AHCTF1: variants seen among roughly 807,000 people sequenced by gnomAD.
AHCTF1 encodes the protein AT-hook containing transcription factor 1.
In AHCTF1, 24 loss-of-function variants were observed where a neutral mutation model predicts 248.4. That is an observed-to-expected ratio of 0.10 (90% CI 0.07 to 0.14). The LOEUF is 0.14. AHCTF1 is among the 10% of genes least tolerant of loss of function. AHCTF1 has a pLI of 1.00. For missense variants in AHCTF1, 2,206 were observed against 2,636.2 expected, an observed-to-expected ratio of 0.84 and a Z score of 3.57; for synonymous variants, 786 against 929.8, an observed-to-expected ratio of 0.85 and a Z score of 2.81.
Position 246,849,591 on chromosome 1 carries a change from T to C in AHCTF1, c.6391+24A>G, listed in dbSNP as rs995038189. The C allele has an allele frequency of 2.2e-5, 34 of 1,570,074 alleles. No individual in the cohort carries two copies. The African/African-American group carries it at 2.3e-4, about 11-fold the overall frequency. ...CTGAAGAGTGACTGAGATGAAAAAC[T>C]GTTTTGCAGAGAAAGAAAAGTACCT... On this transcript the variant is annotated intron_variant, in intron 33 of 35. Transcript: ENST00000648844.
chr1:246,852,687 A>T (rs1660799070), intron 32 of AHCTF1, among the ~76,000 whole-genome samples: 1 of 152,196 alleles, frequency 6.6e-6, no homozygotes, highest in African/African-American at 2.4e-5. Flanking sequence ...CCAGATCAGC[A>T]AAAATTAACT....
At chr1:246,856,450 G>A (rs964387010) in intron 30 of AHCTF1, among the ~76,000 whole-genome samples, 1 of 152,080 alleles carries the variant, frequency 6.6e-6, no homozygotes, top group Non-Finnish European at 1.5e-5. Context: ...TACCATAAAA[G>A]TAACAGTGAT....
intron 29 of AHCTF1, among the ~76,000 whole-genome samples, chr1:246,858,557 C>T (rs1389841705): frequency 6.6e-6 from 1 of 152,054 alleles, no homozygotes; most frequent in Admixed American, 6.5e-5. Context: ...TGGCCAGGCA[C>T]GGAGGCTCAT....
intron 33 of AHCTF1, among the ~76,000 whole-genome samples, chr1:246,847,229 C>T (rs1177913900): frequency 6.6e-6 from 1 of 150,790 alleles, no homozygotes; most frequent in Non-Finnish European, 1.5e-5. Flanking sequence ...GCGGAGGTTG[C>T]AGTGAGCCAA....
At chr1:246,868,634 A>ATTCT (rs1662222409) in intron 24 of AHCTF1, among the ~76,000 whole-genome samples, 1 of 148,352 alleles carries the variant, frequency 6.7e-6, no homozygotes, top group Admixed American at 6.7e-5. Context: ...AAAAAAAGTT[A>ATTCT]TTCTTTGTGT....
chr1:246,858,494 A>G (rs1661272056), intron 29 of AHCTF1, among the ~76,000 whole-genome samples: 1 of 152,196 alleles, frequency 6.6e-6, no homozygotes, highest in South Asian at 2.1e-4. Flanking sequence ...TAGCTTCACT[A>G]TAGAGTTTGT....
chr1:246,859,454 G>A (rs1166915031), intron 29 of AHCTF1, among the ~76,000 whole-genome samples: 1 of 152,226 alleles, frequency 6.6e-6, no homozygotes, highest in Non-Finnish European at 1.5e-5. Flanking sequence ...TGACATGGGA[G>A]CAGGTGCCAT....
At chr1:246,868,846 GTTTTTT>G (rs563383895) in intron 24 of AHCTF1, among the ~76,000 whole-genome samples, 1 of 128,830 alleles carries the variant, frequency 7.8e-6, no homozygotes, top group Admixed American at 7.9e-5. Flanking sequence ...TGTGTTTTTT[GTTTTTT>G]TTTTTTTTTT....
intron 35 of AHCTF1, among the ~76,000 whole-genome samples, chr1:246,841,595 T>C (rs1659869065): frequency 1.3e-5 from 2 of 152,214 alleles, no homozygotes; most frequent in South Asian, 4.1e-4. Flanking sequence ...TTCCCATGCA[T>C]GCAGTTTTAG....
At position 246,861,959 on chromosome 1, in the gene AHCTF1, C is replaced by T; in HGVS notation, c.3735G>A (p.Gly1245=). 1.2e-6 allele frequency: 2 copies of T among 1,609,346 alleles called. No homozygotes were observed. The highest frequency in any genetic ancestry group is 1.7e-6 in the Non-Finnish European group (2 of 1,177,790). Reference sequence around the variant, plus strand: ...TTCTCCCAATTATTATCAAACTTACCCCAGGAATCCATTTTGGGTGGACAT... The same window carrying T: ...TTCTCCCAATTATTATCAAACTTACTCCAGGAATCCATTTTGGGTGGACAT... ...EEDVHPKWIP[G]AADDSKLEVF... is the part of the protein sequence containing the mutation. The change falls in exon 28 of 36, where the codon GGG becomes GGA. Residue 1245 remains glycine, a splice_region_variant and synonymous_variant. Transcript: ENST00000648844.
chr1:246,844,688 C>T (rs1305694348), intron 33 of AHCTF1, among the ~76,000 whole-genome samples: 1 of 152,126 alleles, frequency 6.6e-6, no homozygotes, highest in Admixed American at 6.6e-5. Flanking sequence ...TGTGCCACTG[C>T]ACTCCAGCCT....
chr1:246,859,870 T>C (rs1442173364), intron 29 of AHCTF1, among the ~76,000 whole-genome samples: 1 of 152,112 alleles, frequency 6.6e-6, no homozygotes, highest in South Asian at 2.1e-4. Context: ...TTTATTTTCA[T>C]TGTCCAGTGA....
At chr1:246,876,321 C>G in intron 23 of AHCTF1, 134 bp from the exon 24 acceptor site, 1 of 725,664 alleles carries the variant, frequency 1.4e-6, no homozygotes, top group Non-Finnish European at 2.1e-6. Context: ...TTTTTCCAAA[C>G]CAAGAACTTC....
Position 246,862,123 on chromosome 1 carries a change from T to C in AHCTF1, c.3571A>G (p.Thr1191Ala), listed in dbSNP as rs1196898452. The C allele has an allele frequency of 6.2e-7, 1 of 1,606,532 alleles. No individual in the cohort carries two copies. Among genetic ancestry groups the C allele is most frequent in the Non-Finnish European group, 8.5e-7 (1 of 1,177,846 alleles). Residue 1191 changes from threonine (T) to alanine (A), a missense_variant, in exon 28 of 36, where the codon ACT becomes GCT. Physicochemically the swap from Thr to Ala is moderately conservative, Grantham distance 58 (BLOSUM62 0). This residue lies in a region of AHCTF1 where 955 missense variants were observed against 1,055.6 expected (regional missense o/e 0.90). Coordinates refer to ENST00000648844, the MANE Select transcript of AHCTF1 (RefSeq NM_001323342.2). ...KAKSLAMSVTTSGFSEFTPQS... is the reference protein window; with the variant it reads ...KAKSLAMSVTASGFSEFTPQS... Reference sequence around the variant, plus strand: ...GGAGTGAACTCAGAAAATCCAGAAGTAGTAACTGACATGGCCAAACTTTTA... The same window carrying C: ...GGAGTGAACTCAGAAAATCCAGAAGCAGTAACTGACATGGCCAAACTTTTA...
At chr1:246,910,265 A>G (rs1259776662) in intron 4 of AHCTF1, among the ~76,000 whole-genome samples, 1 of 152,254 alleles carries the variant, frequency 6.6e-6, no homozygotes, top group Non-Finnish European at 1.5e-5. Flanking sequence ...GGACAGAAAG[A>G]GGATTGCTGT....
At chr1:246,885,841 G>GT (rs1178981252) in intron 20 of AHCTF1, among the ~76,000 whole-genome samples, 161 bp from the exon 21 acceptor site, 3 of 152,150 alleles carry the variant, frequency 2.0e-5, no homozygotes, top group Non-Finnish European at 4.4e-5. Context: ...TTGGCTCTCA[G>GT]TATCTACAGG....
chr1:246,877,689 C>A (rs2103107310), intron 21 of AHCTF1, among the ~76,000 whole-genome samples: 1 of 152,224 alleles, frequency 6.6e-6, no homozygotes, highest in African/African-American at 2.4e-5. Flanking sequence ...TAGATGGAAA[C>A]AAGCACGCTG....
At position 246,913,304 on chromosome 1, in the gene AHCTF1, C is replaced by G; in HGVS notation, c.484G>C (p.Val162Leu). 2 of 1,613,994 alleles carry G rather than the reference C, an allele frequency of 1.2e-6. No individual in the cohort carries two copies. Among genetic ancestry groups the G allele is most frequent in the Non-Finnish European group, 1.7e-6 (2 of 1,179,910 alleles). Residue 162 changes from valine to leucine, a missense_variant, in exon 4 of 36, where the codon GTT (valine) becomes CTT (leucine). By Grantham distance (32) the Val-to-Leu change is conservative. This residue lies in a region of AHCTF1 where 650 missense variants were observed against 870.8 expected (regional missense o/e 0.75). Coordinates refer to ENST00000648844, the MANE Select transcript of AHCTF1 (RefSeq NM_001323342.2). ...AGGTCAACAAGAAGGATCTGTCCAACATCAGTGACCACAGCTGCCACTCCA... is the reference window on the plus strand; with the variant it reads ...AGGTCAACAAGAAGGATCTGTCCAAGATCAGTGACCACAGCTGCCACTCCA... ...LFGVAAVVTDVGQILLVDLCL... is the reference protein window; with the variant it reads ...LFGVAAVVTDLGQILLVDLCL...
At position 246,905,464 on chromosome 1, in the gene AHCTF1, T is replaced by G. The variant is rs758504910; in HGVS notation, c.881+77A>C. ...GTGAGCCGAAATCACGCCACTGCAC[T>G]CCAGCCTGGACAACAGAGCGAGACT... is the stretch of plus-strand genomic sequence containing the variant. On this transcript the variant is annotated intron_variant, in intron 6 of 35. Coordinates refer to ENST00000648844, the MANE Select transcript of AHCTF1 (RefSeq NM_001323342.2). The G allele has an allele frequency of 4.1e-4, 506 of 1,229,614 alleles. 2 individuals are homozygous for G. Among genetic ancestry groups the G allele is most frequent in the Non-Finnish European group, 5.2e-4 (437 of 841,940 alleles). 76.2% of individuals were successfully genotyped at this position (1,229,614 alleles called of 1,614,324 possible).
Sources: gnomAD v4.1 joint callset for allele counts (sites outside exome capture counted in the v4.1 genomes callset) on GRCh38, gnomAD v4.1.1 for gene constraint, gnomAD v4.1.1 regional missense constraint, MANE v1.5 for transcripts, NCBI Gene and HGNC (gene_info 2026-07-23, HGNC 2026-07-21) for gene names.